TRIM34: variants seen among roughly 807,000 people sequenced by gnomAD.
TRIM34 encodes E3 ubiquitin-protein ligase TRIM34.
Under a neutral mutation model 38.1 loss-of-function variants are expected in TRIM34, and 41 were observed. The observed-to-expected ratio is 1.08, with a 90% CI of 0.84 to 1.40. TRIM34 has a LOEUF of 1.40. Ranked by LOEUF, TRIM34 falls within the 40% of genes most tolerant of loss-of-function variation. The pLI is 0.00. For missense variants in TRIM34, 556 were observed against 571.4 expected (o/e 0.97, Z 0.27); for synonymous variants, 200 against 202.5 (o/e 0.99, Z 0.10).
rs1257874814 is a variant in TRIM34 at position 5,633,863 on chromosome 11, G to T, written c.483G>T (p.Leu161=). The T allele has an allele frequency of 6.2e-7, 1 of 1,613,982 alleles. No homozygotes were observed. The highest frequency in any genetic ancestry group is 1.7e-5 in the Admixed American group (1 of 60,004). The change falls in exon 3 of 8, where the codon CTG becomes CTT. Residue 161 remains leucine, a synonymous_variant. Transcript: ENST00000429814. ...LKKEEEEAEK[L]EADIREEKTS... is the part of the protein sequence containing the mutation. ...AGGAAGAGGAGGAAGCTGAGAAGCTGGAAGCTGACATCAGAGAAGAGAAAA... is the reference window on the plus strand; with the variant it reads ...AGGAAGAGGAGGAAGCTGAGAAGCTTGAAGCTGACATCAGAGAAGAGAAAA...
chr11:5,626,882 C>CAAAAAA (rs145677485), intron 1 of TRIM34: 2 of 128,056 alleles, frequency 1.6e-5, no homozygotes, highest in African/African-American at 5.8e-5. Flanking sequence ...GACTCTGTCT[C>CAAAAAA]AAAAAAAAAA....
Position 5,632,421 on chromosome 11 carries a change from T to C in TRIM34, c.90T>C (p.Cys30=). Residue 30 remains cysteine, a synonymous_variant, in exon 2 of 8, where the codon TGT becomes TGC. Transcript: ENST00000429814. The part of the protein sequence containing the change: ...ELLTEPLSLD[C]GHSLCRACIT... Reference sequence around the variant, plus strand: ...TGACAGAACCCTTGAGTCTAGACTGTGGCCACAGCCTCTGCCGAGCCTGCA... The same window carrying C: ...TGACAGAACCCTTGAGTCTAGACTGCGGCCACAGCCTCTGCCGAGCCTGCA... 6.2e-7 allele frequency: 1 copy of C among 1,613,960 alleles called. No individual in the cohort carries two copies. The highest frequency in any genetic ancestry group is 1.3e-5 in the African/African-American group (1 of 74,982).
rs764396132 is a variant in TRIM34, at chr11:5,643,322, C to T, written c.1080C>T (p.Ala360=). The T allele has an allele frequency of 6.2e-6, 10 of 1,613,884 alleles. No individual in the cohort carries two copies. The South Asian group carries it at 8.8e-5, about 14-fold the overall frequency. ...AAGTGGACGTGTCCAAGAAAACTGC[C>T]TGGATCCTGGGGGTATACTGTAGAA... ...YWEVDVSKKT[A]WILGVYCRTY... Residue 360 remains alanine, a synonymous_variant, in exon 8 of 8, where the codon GCC becomes GCT. Coordinates refer to ENST00000429814, the MANE Select transcript of TRIM34 (RefSeq NM_021616.6).
chr11:5,629,614 A>G (rs1350272496), intron 1 of TRIM34, among the ~76,000 whole-genome samples: 2 of 152,154 alleles, frequency 1.3e-5, no homozygotes, highest in Non-Finnish European at 2.9e-5. Context: ...TGCCATTTGC[A>G]CTCATGCAGC....
chr11:5,643,517 C>T lies in TRIM34; in HGVS notation c.1275C>T (p.Ser425=). 1.9e-6 allele frequency: 3 copies of T among 1,614,176 alleles called. No homozygotes were observed. Among genetic ancestry groups the T allele is most frequent in the African/African-American group, 1.3e-5 (1 of 75,032 alleles). ...CTGATCCCGAGGTTTTGACTCTCTC[C>T]ATGGCTGTGCCTCCCTGCCGTGTTG... ...LSSDPEVLTL[S]MAVPPCRVGV... is the part of the protein sequence containing the mutation. The change falls in exon 8 of 8, where the codon TCC becomes TCT. Residue 425 remains serine (S), a synonymous_variant. Coordinates refer to ENST00000429814, the MANE Select transcript of TRIM34 (RefSeq NM_021616.6).
At chr11:5,622,428 G>C (rs1378609176), upstream of TRIM34, among the ~76,000 whole-genome samples, 1 of 147,528 alleles carries the variant, frequency 6.8e-6, no homozygotes, top group Non-Finnish European at 1.5e-5. Context: ...CTGGGCGACA[G>C]AGCGAGACTA....
rs1364771522 is a variant in TRIM34, at chr11:5,634,612, C to T, written c.520-19C>T. On this transcript the variant is annotated intron_variant, in intron 3 of 7. Transcript: ENST00000429814. ...AGCCTGACAAACTTACTACAACTCT[C>T]TCTTGTCCATCCTTGCAGTATCAGG... 1 of 1,604,742 alleles carries T rather than the reference C, an allele frequency of 6.2e-7. No homozygotes were observed. Among genetic ancestry groups the T allele is most frequent in the Non-Finnish European group, 8.5e-7 (1 of 1,174,716 alleles).
At position 5,634,689 on chromosome 11, in the gene TRIM34, T is replaced by A. The variant is rs1849647879; in HGVS notation, c.578T>A (p.Ile193Asn). 1.9e-6 allele frequency: 3 copies of A among 1,613,864 alleles called. No individual in the cohort carries two copies. The highest frequency in any genetic ancestry group is 2.5e-6 in the Non-Finnish European group (3 of 1,179,992). ...IQTEFDQLRS[I>N]LNNEEQRELQ... is the part of the protein sequence containing the mutation. ...ACAGAATTTGATCAGCTTAGAAGCA[T>A]CCTAAATAATGAGGAGCAGAGAGAG... The change falls in exon 4 of 8, where the codon ATC (isoleucine) becomes AAC (asparagine). Residue 193 changes from isoleucine (I) to asparagine (N), a missense_variant. By Grantham distance (149) the Ile-to-Asn change is moderately radical. Coordinates refer to ENST00000429814, the MANE Select transcript of TRIM34 (RefSeq NM_021616.6).
chr11:5,644,342 A>G lies in TRIM34; in HGVS notation c.*633A>G. The G allele has an allele frequency of 2.5e-6, 1 of 398,426 alleles. No individual in the cohort carries two copies. The highest frequency in any genetic ancestry group is 4.4e-5 in the Admixed American group (1 of 22,734). 24.7% of individuals were successfully genotyped at this position (398,426 alleles called of 1,614,324 possible). A position where few individuals can be genotyped will look rare whatever the true frequency, so the allele number is the denominator to read the frequency against. ...GTAAAACTAAGTGTCTCTAAATGTA[A>G]TGCATCGATTTAGTGTCTGGAACAT... On this transcript the variant is annotated 3_prime_UTR_variant, in exon 8 of 8. Transcript: ENST00000429814.
Position 5,634,738 on chromosome 11 carries a change from AAAG to A in TRIM34, c.632_634del (p.Lys211del). 6.2e-7 allele frequency: 1 copy of A among 1,613,928 alleles called. No individual in the cohort carries two copies. The highest frequency in any genetic ancestry group is 2.2e-5 in the East Asian group (1 of 44,894). ...AGCTGCAAAGATTGGAAGAAGAAGA[AAAG>A]AAGACGCTGGATAAGTTTGCAGAGG... On this transcript the variant is annotated inframe_deletion, in exon 4 of 8. Coordinates refer to ENST00000429814, the MANE Select transcript of TRIM34 (RefSeq NM_021616.6).
At chr11:5,623,105 C>CTTTTTTT (rs11301714), upstream of TRIM34, among the ~76,000 whole-genome samples, 3 of 106,838 alleles carry the variant, frequency 2.8e-5, no homozygotes, top group Non-Finnish European at 3.7e-5. Flanking sequence ...CTGTCTGGAG[C>CTTTTTTT]TTTTTTTTTT....
chr11:5,643,638 C>T lies in TRIM34; in HGVS notation c.1396C>T (p.Gln466Ter). The T allele has an allele frequency of 6.2e-7, 1 of 1,614,094 alleles. No homozygotes were observed. The highest frequency in any genetic ancestry group is 2.2e-5 in the East Asian group (1 of 44,874). Residue 466 changes from glutamine (Q) to a stop codon, truncating the protein, a stop_gained, in exon 8 of 8, where the codon CAG (glutamine) becomes TAG (stop). Coordinates refer to ENST00000429814, the MANE Select transcript of TRIM34 (RefSeq NM_021616.6). LOFTEE classifies it low-confidence loss of function (END_TRUNC). ...CAAGTTCTCTAAATGTTGCTTTTCTCAGCCTGTTTATCCATATTTCAATCC... is the reference window on the plus strand; with the variant it reads ...CAAGTTCTCTAAATGTTGCTTTTCTTAGCCTGTTTATCCATATTTCAATCC... Reference protein sequence around the residue: ...IYKFSKCCFSQPVYPYFNPWN... With the variant: ...IYKFSKCCFS
intron 1 of TRIM34, among the ~76,000 whole-genome samples, chr11:5,631,846 T>C (rs1849493364): frequency 6.6e-6 from 1 of 152,158 alleles, no homozygotes; most frequent in Non-Finnish European, 1.5e-5. Context: ...GTGCCTAATC[T>C]ACATGTAGAT....
At chr11:5,639,551 G>A (rs1488229461) in intron 4 of TRIM34, among the ~76,000 whole-genome samples, 3 of 151,738 alleles carry the variant, frequency 2.0e-5, no homozygotes, top group Admixed American at 6.6e-5. Flanking sequence ...ATGGTGGCAC[G>A]TACCTGTAGT....
chr11:5,635,557 CCT>C (rs1313794344), intron 4 of TRIM34, among the ~76,000 whole-genome samples: 27 of 152,202 alleles, frequency 1.8e-4, no homozygotes, highest in African/African-American at 4.6e-4. Context: ...CACCCAGCCC[CCT>C]GTTACTTTTT....
At chr11:5,633,756 T>C (rs374292124) in intron 2 of TRIM34, 48 bp from the exon 3 acceptor site, 41 of 1,571,218 alleles carry the variant, frequency 2.6e-5, no homozygotes, top group Non-Finnish European at 3.3e-5. Flanking sequence ...TCTATCCAGA[T>C]ACTAAGAAAG....
chr11:5,620,607 C>A (rs1046271841), upstream of TRIM34, among the ~76,000 whole-genome samples: 1 of 152,076 alleles, frequency 6.6e-6, no homozygotes, highest in Admixed American at 6.6e-5. Flanking sequence ...TGTAGTAATT[C>A]TCTTTCTTTG....
intron 1 of TRIM34, among the ~76,000 whole-genome samples, chr11:5,629,619 T>C (rs1413266682): frequency 6.6e-6 from 1 of 152,252 alleles, no homozygotes; most frequent in African/African-American, 2.4e-5. Context: ...TTTGCACTCA[T>C]GCAGCTTAAC....
At chr11:5,631,853 A>G (rs531616652) in intron 1 of TRIM34, among the ~76,000 whole-genome samples, 2 of 152,314 alleles carry the variant, frequency 1.3e-5, no homozygotes, top group East Asian at 3.9e-4. Context: ...ATCTACATGT[A>G]GATTATGTTT....
Sources: allele counts gnomAD v4.1 joint callset (sites outside exome capture counted in the v4.1 genomes callset), GRCh38; gene constraint gnomAD v4.1.1; transcripts MANE v1.5; gene names NCBI Gene and HGNC (gene_info 2026-07-23, HGNC 2026-07-21).